ASCC1: variants seen among roughly 807,000 people sequenced by gnomAD.
ASCC1 encodes the protein activating signal cointegrator 1 complex subunit 1, also known as ASC-1 complex subunit P50.
In ASCC1, 35 loss-of-function variants were observed where a neutral mutation model predicts 46.6. That is an observed-to-expected ratio of 0.75 (90% CI 0.57 to 0.99). ASCC1 has a LOEUF of 0.99. ASCC1 is among the 50% of genes least tolerant of loss of function. ASCC1 has a pLI of 0.00. For synonymous variants in ASCC1, 143 were observed against 146.6 expected, an observed-to-expected ratio of 0.98 and a Z score of 0.18; for missense variants, 376 against 428.7, an observed-to-expected ratio of 0.88 and a Z score of 1.09.
At position 72,133,045 on chromosome 10, in the gene ASCC1, T is replaced by TA. The variant is rs1219236622; in HGVS notation, c.871+11_871+12insT. 1.9e-6 allele frequency: 3 copies of TA among 1,614,132 alleles called. No homozygotes were observed. Among genetic ancestry groups the TA allele is most frequent in the Non-Finnish European group, 2.5e-6 (3 of 1,179,964 alleles). On this transcript the variant is annotated intron_variant, in intron 8 of 9. Coordinates refer to ENST00000672957, the MANE Select transcript of ASCC1 (RefSeq NM_001198800.3). The stretch of plus-strand genomic sequence containing the variant: ...GATCACAAACTGTGCTATAGTTCTC[T>TA]GGGGGACTTACCATTGGGGTCTTTC...
At chr10:72,116,554 T>C (rs1369088307) in intron 9 of ASCC1, among the ~76,000 whole-genome samples, 1 of 152,240 alleles carries the variant, frequency 6.6e-6, no homozygotes, top group Non-Finnish European at 1.5e-5. Flanking sequence ...CTTACTATCC[T>C]GAACGTTTTG....
intron 8 of ASCC1, among the ~76,000 whole-genome samples, chr10:72,132,200 G>A (rs1335079428): frequency 6.6e-6 from 1 of 151,996 alleles, no homozygotes; most frequent in African/African-American, 2.4e-5. Flanking sequence ...CAAGGTCAGG[G>A]CTCAAGAAAG....
intron 5 of ASCC1, chr10:72,190,539 G>A: frequency 6.6e-7 from 1 of 1,513,824 alleles, no homozygotes. Context: ...GCAGCTTGGA[G>A]AAGGCGCAAT....
chr10:72,141,088 T>TAG (rs1846941859), intron 7 of ASCC1, among the ~76,000 whole-genome samples: 2 of 146,532 alleles, frequency 1.4e-5, no homozygotes, highest in African/African-American at 2.5e-5. Context: ...TAGATAGATA[T>TAG]AGATATAGAC....
At chr10:72,163,971 T>C (rs1487748886) in intron 5 of ASCC1, among the ~76,000 whole-genome samples, 2 of 152,136 alleles carry the variant, frequency 1.3e-5, no homozygotes, top group Non-Finnish European at 2.9e-5. Flanking sequence ...TATATTTATT[T>C]TTATTTTTTG....
intron 5 of ASCC1, among the ~76,000 whole-genome samples, chr10:72,180,547 A>G (rs1852448338): frequency 6.6e-6 from 1 of 152,130 alleles, no homozygotes; most frequent in African/African-American, 2.4e-5. Flanking sequence ...AATCACTTGA[A>G]CTCAGGAGGC....
intron 7 of ASCC1, among the ~76,000 whole-genome samples, chr10:72,137,682 T>C (rs984729219): frequency 1.7e-4 from 26 of 152,116 alleles, no homozygotes; most frequent in African/African-American, 6.0e-4. Context: ...ATAGAACATA[T>C]GAAAAAAGTA....
chr10:72,173,400 GAAAACACC>G (rs369029231), intron 5 of ASCC1, among the ~76,000 whole-genome samples: 19 of 152,138 alleles, frequency 1.2e-4, no homozygotes, highest in African/African-American at 4.3e-4. Flanking sequence ...TACTTGCCAA[GAAAACACC>G]AAAACACCAA....
At chr10:72,190,429 CA>C in intron 5 of ASCC1, 1 of 1,597,910 alleles carries the variant, frequency 6.3e-7, no homozygotes. Flanking sequence ...AACCAGTCCA[CA>C]ACCACAGGGA....
chr10:72,119,396 G>A (rs1345134883), intron 9 of ASCC1, among the ~76,000 whole-genome samples: 1 of 152,150 alleles, frequency 6.6e-6, no homozygotes, highest in Non-Finnish European at 1.5e-5. Flanking sequence ...GCCCCCTCTA[G>A]CCATCCACAG....
intron 8 of ASCC1, among the ~76,000 whole-genome samples, chr10:72,130,785 A>G (rs907475809): frequency 1.4e-4 from 22 of 152,206 alleles, no homozygotes; most frequent in African/African-American, 5.1e-4. Context: ...CCACCTTTCA[A>G]GTGCTCAATA....
chr10:72,191,715 C>CG (rs1421340940), intron 5 of ASCC1, among the ~76,000 whole-genome samples: 1 of 151,910 alleles, frequency 6.6e-6, no homozygotes, highest in Non-Finnish European at 1.5e-5. Flanking sequence ...GGCGTGATCT[C>CG]GGCTCACTGC....
In ASCC1 at chr10:72,143,146, G is replaced by A. The variant is rs192306513; in HGVS notation, c.746+9723C>T. On this transcript the variant is annotated intron_variant, in intron 7 of 9. Coordinates refer to ENST00000672957, the MANE Select transcript of ASCC1 (RefSeq NM_001198800.3). ...ACTGCACTCGAGCCTGGGTGACAGAGCGAGACTCCGTCTCAGGAAAAAAAA... is the reference window on the plus strand; with the variant it reads ...ACTGCACTCGAGCCTGGGTGACAGAACGAGACTCCGTCTCAGGAAAAAAAA... 3.3e-3 allele frequency among the ~76,000 whole-genome samples: 488 copies of A among 146,300 alleles called. 9 individuals carry two copies. The highest frequency in any genetic ancestry group is 0.011 in the African/African-American group (443 of 39,286).
At chr10:72,207,063 C>A (rs148530334) in intron 3 of ASCC1, among the ~76,000 whole-genome samples, 9 of 152,122 alleles carry the variant, frequency 5.9e-5, no homozygotes, top group African/African-American at 1.7e-4. Context: ...TATACTGGCA[C>A]CTTTTCAGTT....
At chr10:72,170,209 C>CTTT (rs1231563765) in intron 5 of ASCC1, among the ~76,000 whole-genome samples, 2 of 151,698 alleles carry the variant, frequency 1.3e-5, no homozygotes, top group Non-Finnish European at 1.5e-5. Flanking sequence ...TTTGCATAGT[C>CTTT]TTAAAATGTC....
At chr10:72,135,888 A>C (rs1315565051) in intron 7 of ASCC1, among the ~76,000 whole-genome samples, 1 of 152,244 alleles carries the variant, frequency 6.6e-6, no homozygotes, top group Admixed American at 6.5e-5. Context: ...CAATACATTC[A>C]AGGACTGGAG....
intron 9 of ASCC1, among the ~76,000 whole-genome samples, chr10:72,119,233 A>AG (rs1266984346): frequency 3.3e-5 from 5 of 152,252 alleles, no homozygotes; most frequent in African/African-American, 1.2e-4. Context: ...TGCTTCCAGC[A>AG]GGGGGAGGAA....
chr10:72,186,515 G>C (rs1244260150), intron 5 of ASCC1, among the ~76,000 whole-genome samples: 1 of 152,136 alleles, frequency 6.6e-6, no homozygotes, highest in East Asian at 1.9e-4. Context: ...TCAGTGAACA[G>C]GTATTTGCTC....
chr10:72,145,048 T>C (rs1847470372), intron 7 of ASCC1, among the ~76,000 whole-genome samples: 1 of 152,202 alleles, frequency 6.6e-6, no homozygotes, highest in African/African-American at 2.4e-5. Flanking sequence ...AAATATTTTG[T>C]TTTTTCCTGA....
Sources: gnomAD v4.1 joint callset for allele counts (sites outside exome capture counted in the v4.1 genomes callset) on GRCh38, gnomAD v4.1.1 for gene constraint, MANE v1.5 for transcripts, NCBI Gene and HGNC (gene_info 2026-07-23, HGNC 2026-07-21) for gene names.